Variants in SH3BGRL2 observed in about 807,000 individuals in gnomAD.
SH3BGRL2 encodes the protein SH3 domain binding glutamate rich protein like 2, also known as SH3 domain-binding glutamic acid-rich-like protein 2.
A neutral mutation model predicts 14.8 loss-of-function variants in SH3BGRL2; 21 were observed. That is an observed-to-expected ratio of 1.42 (90% CI 1.01 to 2.05). The LOEUF is 2.05. Ranked by LOEUF, SH3BGRL2 falls within the 30% of genes most tolerant of loss-of-function variation. The pLI is 0.00. For synonymous variants in SH3BGRL2, 50 were observed against 47.8 expected (o/e 1.05, Z -0.19); for missense variants, 147 against 130.8 (o/e 1.12, Z -0.61).
chr6:79,618,443 C>G, the SH3BGRL2 span, among the ~76,000 whole-genome samples: 1 of 152,214 alleles, frequency 6.6e-6, no homozygotes, highest in Admixed American at 6.5e-5. Context: ...CGCCGTGGCT[C>G]TTGCCTGTAA....
the SH3BGRL2 span, among the ~76,000 whole-genome samples, chr6:79,540,988 C>T: frequency 3.9e-5 from 6 of 152,120 alleles, no homozygotes; most frequent in African/African-American, 1.4e-4. Context: ...CATGGTGGCT[C>T]ATGCCTGTAA....
At chr6:79,556,306 C>T in the SH3BGRL2 span, among the ~76,000 whole-genome samples, 9 of 151,916 alleles carry the variant, frequency 5.9e-5, no homozygotes, top group Non-Finnish European at 1.2e-4. Context: ...TAGTCTAAAA[C>T]GATAACATAA....
intron 2 of SH3BGRL2, among the ~76,000 whole-genome samples, chr6:79,692,986 T>C (rs1480437832): frequency 6.6e-6 from 1 of 152,188 alleles, no homozygotes; most frequent in Non-Finnish European, 1.5e-5. Context: ...TTCCTACCCA[T>C]GAGCATGGAA....
chr6:79,684,578 G>A lies in SH3BGRL2; in HGVS notation c.231+10779G>A, dbSNP rs117928524. Among the ~76,000 whole-genome samples, 100 of 152,264 alleles carry A rather than the reference G, an allele frequency of 6.6e-4. 2 individuals are homozygous for A. In the East Asian group the frequency reaches 0.011, roughly 17 times the overall value. ...GCTCAGGAGGTAGCCAGCCCATTCT[G>A]TTGGGACATGCCTTGTCAAGGTTCT... On this transcript the variant is annotated intron_variant, in intron 2 of 3. Coordinates refer to ENST00000369838, the MANE Select transcript of SH3BGRL2 (RefSeq NM_031469.4).
At chr6:79,624,994 C>G in the SH3BGRL2 span, among the ~76,000 whole-genome samples, 2 of 151,930 alleles carry the variant, frequency 1.3e-5, no homozygotes, top group Non-Finnish European at 2.9e-5. Flanking sequence ...AACATAGACT[C>G]CGTGTCTACA....
rs1770497087 is a variant in SH3BGRL2 at position 79,703,007 on chromosome 6, AG to A, written c.*3501del. On this transcript the variant is annotated 3_prime_UTR_variant, in exon 4 of 4. Transcript: ENST00000369838. ...AAGCCCTACGCACCAGAACAGAAGGAGGGTGGAGGAAGTGATCAGAGGGAAC... is the reference window on the plus strand; with the variant it reads ...AAGCCCTACGCACCAGAACAGAAGGAGGTGGAGGAAGTGATCAGAGGGAAC... The A allele has an allele frequency of 6.6e-6, 1 of 152,240 alleles. No individual in the cohort carries two copies. 9.4% of individuals were successfully genotyped at this position (152,240 alleles called of 1,614,324 possible). A position where few individuals can be genotyped will look rare whatever the true frequency, so the allele number is the denominator to read the frequency against.
intron 1 of SH3BGRL2, among the ~76,000 whole-genome samples, chr6:79,647,267 G>A (rs1219258600): frequency 6.6e-6 from 1 of 151,360 alleles, no homozygotes; most frequent in Non-Finnish European, 1.5e-5. Flanking sequence ...GTGTGGTTTT[G>A]ATTTGCATTT....
At position 79,703,564 on chromosome 6, in the gene SH3BGRL2, C is replaced by T. The variant is rs1360128687; in HGVS notation, c.*4055C>T. ...CTGTCTGATAGAGGGAACCCCTGTA[C>T]TGAACTTTGTGTTGACCATAGCCTT... On this transcript the variant is annotated 3_prime_UTR_variant, in exon 4 of 4. Coordinates refer to ENST00000369838, the MANE Select transcript of SH3BGRL2 (RefSeq NM_031469.4). 1 of 152,174 alleles carries T rather than the reference C, an allele frequency of 6.6e-6. No individual in the cohort carries two copies. Among genetic ancestry groups the T allele is most frequent in the East Asian group, 1.9e-4 (1 of 5,204 alleles). The allele number at this position is 152,174 out of a possible 1,614,324, so 9.4% of individuals were successfully genotyped here.
chr6:79,557,919 A>T, the SH3BGRL2 span, among the ~76,000 whole-genome samples: 24 of 152,186 alleles, frequency 1.6e-4, no homozygotes, highest in African/African-American at 5.8e-4. Context: ...GGTATTTTAC[A>T]GTTTATTATT....
chr6:79,587,776 C>A, the SH3BGRL2 span, among the ~76,000 whole-genome samples: 1 of 152,074 alleles, frequency 6.6e-6, no homozygotes, highest in African/African-American at 2.4e-5. Flanking sequence ...TATATAGAGG[C>A]CTTTGTATAT....
intron 3 of SH3BGRL2, among the ~76,000 whole-genome samples, chr6:79,697,255 G>C (rs116037421): frequency 0.02 from 3,057 of 151,206 alleles, 88 homozygotes; most frequent in African/African-American, 0.071. Flanking sequence ...TCCTTTTTTT[G>C]AATTGGGAAA....
chr6:79,617,142 A>C, the SH3BGRL2 span, among the ~76,000 whole-genome samples: 1 of 151,956 alleles, frequency 6.6e-6, no homozygotes, highest in African/African-American at 2.4e-5. Context: ...CCGTCATGGC[A>C]CCAGTGCATT....
chr6:79,600,158 T>C, the SH3BGRL2 span, among the ~76,000 whole-genome samples: 1 of 152,236 alleles, frequency 6.6e-6, no homozygotes, highest in Non-Finnish European at 1.5e-5. Context: ...ATAAAATCCC[T>C]AGCAAGTCTT....
chr6:79,577,122 A>AAAAAC, the SH3BGRL2 span, among the ~76,000 whole-genome samples: 219 of 152,298 alleles, frequency 1.4e-3, no homozygotes, highest in African/African-American at 4.9e-3. Flanking sequence ...CATTTGTTGA[A>AAAAAC]AAAACAAAAC....
chr6:79,579,058 G>T, the SH3BGRL2 span, among the ~76,000 whole-genome samples: 1 of 152,130 alleles, frequency 6.6e-6, no homozygotes, highest in African/African-American at 2.4e-5. Flanking sequence ...ATCAGTGATG[G>T]AAGATCAAAT....
At chr6:79,543,234 T>G in the SH3BGRL2 span, among the ~76,000 whole-genome samples, 1 of 152,366 alleles carries the variant, frequency 6.6e-6, no homozygotes, top group Non-Finnish European at 1.5e-5. Flanking sequence ...GCAATCAATA[T>G]TTTAAAGTTA....
At chr6:79,609,002 G>A in the SH3BGRL2 span, among the ~76,000 whole-genome samples, 5 of 152,292 alleles carry the variant, frequency 3.3e-5, no homozygotes, top group African/African-American at 1.2e-4. Flanking sequence ...GAGGCTGTGG[G>A]TGTAGCACTC....
At chr6:79,600,271 CTG>C in the SH3BGRL2 span, among the ~76,000 whole-genome samples, 1 of 152,172 alleles carries the variant, frequency 6.6e-6, no homozygotes, top group African/African-American at 2.4e-5. Flanking sequence ...TTACCTACAA[CTG>C]TCTTTTAAAA....
chr6:79,591,243 T>A, the SH3BGRL2 span, among the ~76,000 whole-genome samples: 1 of 152,192 alleles, frequency 6.6e-6, no homozygotes, highest in Non-Finnish European at 1.5e-5. Flanking sequence ...TTTATAATAG[T>A]CAAATATCTT....
Sources: gnomAD v4.1 joint callset for allele counts (sites outside exome capture counted in the v4.1 genomes callset) on GRCh38, gnomAD v4.1.1 for gene constraint, MANE v1.5 for transcripts, NCBI Gene and HGNC (gene_info 2026-07-23, HGNC 2026-07-21) for gene names.